MYEF2: variants seen among roughly 807,000 people sequenced by gnomAD.
MYEF2 encodes myelin expression factor 2.
In MYEF2, 37 loss-of-function variants were observed where a neutral mutation model predicts 75.2. That is an observed-to-expected ratio of 0.49 (90% confidence interval 0.38 to 0.65). MYEF2 has a LOEUF of 0.65. MYEF2 is among the 30% of genes least tolerant of loss of function. MYEF2 has a pLI of 0.00. For synonymous variants in MYEF2, 195 were observed against 241.6 expected, an observed-to-expected ratio of 0.81 and a Z score of 1.79; for missense variants, 634 against 771.4, an observed-to-expected ratio of 0.82 and a Z score of 2.11.
intron 9 of MYEF2, among the ~76,000 whole-genome samples, chr15:48,154,547 T>G (rs1393382226): frequency 6.6e-6 from 1 of 152,114 alleles, no homozygotes; most frequent in South Asian, 2.1e-4. Flanking sequence ...AGATTACTTA[T>G]AAAGAAAGGA....
chr15:48,154,674 A>G (rs1328821458), intron 9 of MYEF2, among the ~76,000 whole-genome samples: 1 of 152,192 alleles, frequency 6.6e-6, no homozygotes, highest in African/African-American at 2.4e-5. Flanking sequence ...CTATCTTTGA[A>G]AACATTTAAA....
In MYEF2 at chr15:48,139,870, C is replaced by G. The variant is rs2039009463; in HGVS notation, c.*3038G>C. On this transcript the variant is annotated 3_prime_UTR_variant, in exon 17 of 17. Coordinates refer to ENST00000324324, the MANE Select transcript of MYEF2 (RefSeq NM_016132.5). ...ACTACTGCCTGTGTGCCAACATAAC[C>G]CAGCTTGTTTTTATTAGTAAGGTTT... 1 of 152,024 alleles carries G rather than the reference C, an allele frequency of 6.6e-6. No homozygotes were observed. The highest frequency in any genetic ancestry group is 6.6e-5 in the Admixed American group (1 of 15,264). The allele number at this position is 152,024 out of a possible 1,614,324, so 9.4% of individuals were successfully genotyped here.
chr15:48,156,279 G>C (rs2039692816), intron 9 of MYEF2, among the ~76,000 whole-genome samples: 1 of 152,016 alleles, frequency 6.6e-6, no homozygotes, highest in Non-Finnish European at 1.5e-5. Flanking sequence ...ATAAGGCTAA[G>C]TGCAGAAATT....
chr15:48,140,374 GAA>G lies in MYEF2; in HGVS notation c.*2532_*2533del, dbSNP rs894517351. 6.8e-6 allele frequency: 1 copy of G among 146,730 alleles called. No individual in the cohort carries two copies. Among genetic ancestry groups the G allele is most frequent in the South Asian group, 2.1e-4 (1 of 4,664 alleles). The allele number at this position is 146,730 out of a possible 1,614,324, so 9.1% of individuals were successfully genotyped here. On this transcript the variant is annotated 3_prime_UTR_variant, in exon 17 of 17. Coordinates refer to ENST00000324324, the MANE Select transcript of MYEF2 (RefSeq NM_016132.5). ...CTAATTATTTTAGTTGGCATTTTAAGAAAAAAAAAGAGAAAGAAAAAAAAGAC... is the reference window on the plus strand; with the variant it reads ...CTAATTATTTTAGTTGGCATTTTAAGAAAAAAAGAGAAAGAAAAAAAAGAC...
At position 48,167,366 on chromosome 15, in the gene MYEF2, C is replaced by T. The variant is rs1250271806; in HGVS notation, c.406G>A (p.Ala136Thr). 10 of 1,613,098 alleles carry T rather than the reference C, an allele frequency of 6.2e-6. No individual in the cohort carries two copies. In the African/African-American group the frequency reaches 9.3e-5, roughly 15 times the overall value. Residue 136 changes from alanine to threonine, a missense_variant, in exon 3 of 17, where the codon GCG (alanine) becomes ACG (threonine). By Grantham distance (58) the Ala-to-Thr change is moderately conservative. Transcript: ENST00000324324. The part of the protein sequence containing the change: ...EVTYVELFKD[A>T]EGKSRGCGVV... ...GCACTTACCCTTGATTTTCCTTCCG[C>T]ATCCTTAAAGAGCTCCACGTATGTA...
At position 48,153,743 on chromosome 15, in the gene MYEF2, G is replaced by T. The variant is rs190109340; in HGVS notation, c.1087+49C>A. ...GACCACATCAATGGAGGCTTTATTA[G>T]CTAGCATATGTATCATTTAAAAAGA... is the stretch of plus-strand genomic sequence containing the variant. On this transcript the variant is annotated intron_variant, in intron 10 of 16. Transcript: ENST00000324324. 221 of 1,449,138 alleles carry T rather than the reference G, an allele frequency of 1.5e-4. 3 individuals are homozygous for T. The highest frequency in any genetic ancestry group is 1.3e-5 in the Non-Finnish European group (13 of 1,034,310). 89.8% of individuals were successfully genotyped at this position (1,449,138 alleles called of 1,614,324 possible).
At chr15:48,169,667 G>A (rs890519634) in intron 1 of MYEF2, among the ~76,000 whole-genome samples, 7 of 150,128 alleles carry the variant, frequency 4.7e-5, no homozygotes, top group African/African-American at 9.8e-5. Flanking sequence ...GTGCAATCTC[G>A]ACTCACTGCA....
intron 9 of MYEF2, chr15:48,157,664 A>T: frequency 1.3e-6 from 1 of 787,902 alleles, no homozygotes; most frequent in Non-Finnish European, 1.6e-6. Flanking sequence ...GCAGGCTAGA[A>T]GAAAATACAC....
chr15:48,156,414 T>C (rs1275534378), intron 9 of MYEF2, among the ~76,000 whole-genome samples: 2 of 151,474 alleles, frequency 1.3e-5, no homozygotes, highest in African/African-American at 4.8e-5. Flanking sequence ...AACATAGATG[T>C]AGCAAAAACT....
intron 5 of MYEF2, among the ~76,000 whole-genome samples, chr15:48,160,652 C>T (rs2039905198): frequency 6.8e-6 from 1 of 146,010 alleles, no homozygotes; most frequent in Admixed American, 7.0e-5. Context: ...GGTAATCACC[C>T]CATCATCACT....
At chr15:48,177,814 T>C (rs1273151729) in intron 1 of MYEF2, among the ~76,000 whole-genome samples, 1 of 152,184 alleles carries the variant, frequency 6.6e-6, no homozygotes, top group Non-Finnish European at 1.5e-5. Context: ...GGGTGTTCGC[T>C]GTCTCGGGCT....
intron 11 of MYEF2, 133 bp from the exon 12 acceptor site, chr15:48,152,075 CTTCCT>C (rs1176348043): frequency 7.0e-6 from 8 of 1,149,718 alleles, no homozygotes; most frequent in Non-Finnish European, 1.0e-5. Context: ...AACACATCAC[CTTCCT>C]TTAAGTATGT....
intron 12 of MYEF2, 95 bp from the exon 13 acceptor site, chr15:48,151,666 G>C (rs2039496576): frequency 7.8e-7 from 1 of 1,274,558 alleles, no homozygotes; most frequent in Non-Finnish European, 1.1e-6. Flanking sequence ...AGACGCGTAA[G>C]TCACAAATAT....
Position 48,178,064 on chromosome 15 carries a change from G to T in MYEF2, c.161+13C>A. 1 of 1,593,036 alleles carries T rather than the reference G, an allele frequency of 6.3e-7. No individual in the cohort carries two copies. The highest frequency in any genetic ancestry group is 8.5e-7 in the Non-Finnish European group (1 of 1,170,074). ...CCCCACCTCGCCCCGGTTCCCGGAG[G>T]AAAAGACAATACATTTTAACGCCAT... On this transcript the variant is annotated intron_variant, in intron 1 of 16. Transcript: ENST00000324324.
intron 1 of MYEF2, 21 bp from the exon 2 acceptor site, chr15:48,168,860 A>G (rs769220643): frequency 6.5e-7 from 1 of 1,549,486 alleles, no homozygotes; most frequent in East Asian, 2.3e-5. Context: ...AAAAAAGTCA[A>G]ACAAACAAAA....
Position 48,149,119 on chromosome 15 carries a change from A to G in MYEF2, c.1588-36T>C. ...AAGAGGTATTAGTAACATATATACA[A>G]GAAAAAAAAGAATTTGAATTATCCT... On this transcript the variant is annotated intron_variant, in intron 15 of 16. Coordinates refer to ENST00000324324, the MANE Select transcript of MYEF2 (RefSeq NM_016132.5). The surrounding 1 kb of genome is among the most constrained non-coding windows in gnomAD (Gnocchi z 4.0). 6.2e-7 allele frequency: 1 copy of G among 1,612,340 alleles called. No homozygotes were observed. Among genetic ancestry groups the G allele is most frequent in the East Asian group, 2.2e-5 (1 of 44,870 alleles).
chr15:48,151,654 A>C, intron 12 of MYEF2, 83 bp from the exon 13 acceptor site: 1 of 1,331,606 alleles, frequency 7.5e-7, no homozygotes, highest in Non-Finnish European at 1.1e-6. Context: ...TAAATTATGA[A>C]AAGACGCGTA....
At position 48,141,799 on chromosome 15, in the gene MYEF2, C is replaced by A. The variant is rs879661567; in HGVS notation, c.*1109G>T. The A allele has an allele frequency of 2.3e-5, 7 of 305,044 alleles. No individual in the cohort carries two copies. Among genetic ancestry groups the A allele is most frequent in the Non-Finnish European group, 3.6e-5 (6 of 167,576 alleles). 18.9% of individuals were successfully genotyped at this position (305,044 alleles called of 1,614,324 possible). On this transcript the variant is annotated 3_prime_UTR_variant, in exon 17 of 17. Coordinates refer to ENST00000324324, the MANE Select transcript of MYEF2 (RefSeq NM_016132.5). ...TGAAAAGCAACAAATAAGCTATATA[C>A]CTTATTGAAAAATGGTTTAATAAAT...
At position 48,142,489 on chromosome 15, in the gene MYEF2, A is replaced by G. The variant is rs1597279828; in HGVS notation, c.*419T>C. On this transcript the variant is annotated 3_prime_UTR_variant, in exon 17 of 17. Coordinates refer to ENST00000324324, the MANE Select transcript of MYEF2 (RefSeq NM_016132.5). ...TTACAGTAATTTAAAACCAACCAAA[A>G]TCACATCCTAATTTTTCTGAGCCCT... 8.1e-6 allele frequency: 5 copies of G among 617,998 alleles called. No individual in the cohort carries two copies. In the East Asian group the frequency reaches 1.5e-4, roughly 19 times the overall value. 38.3% of individuals were successfully genotyped at this position (617,998 alleles called of 1,614,324 possible). A position where few individuals can be genotyped will look rare whatever the true frequency, so the allele number is the denominator to read the frequency against.
Sources: allele counts gnomAD v4.1 joint callset (sites outside exome capture counted in the v4.1 genomes callset), GRCh38; gene constraint gnomAD v4.1.1; non-coding constraint Gnocchi (gnomAD v3.1); transcripts MANE v1.5; gene names NCBI Gene and HGNC (gene_info 2026-07-23, HGNC 2026-07-21).